Variants in C19orf38 observed in about 807,000 individuals in gnomAD.
C19orf38 encodes protein HIDE1.
C19orf38 carries 14 observed loss-of-function variants against 26.6 expected under a neutral mutation model. The ratio of observed to expected loss-of-function variants is 0.53; its 90% CI spans 0.35 to 0.82. C19orf38 has a LOEUF of 0.82. C19orf38 is among the 40% of genes least tolerant of loss of function. The pLI, the probability that C19orf38 is intolerant of heterozygous loss-of-function variation, is 0.01. For synonymous variants in C19orf38, 132 were observed against 128.5 expected (o/e 1.03, Z -0.18); for missense variants, 261 against 299.5 (o/e 0.87, Z 0.95).
intron 5 of C19orf38, among the ~76,000 whole-genome samples, chr19:10,860,559 A>AT (rs71164126): frequency 7.2e-6 from 1 of 138,328 alleles, no homozygotes; most frequent in African/African-American, 2.7e-5. Flanking sequence ...AAAAAAAAAA[A>AT]GGCCAGGCGT....
At chr19:10,842,774 C>T (rs1207361008) in intron 1 of C19orf38, among the ~76,000 whole-genome samples, 1 of 152,118 alleles carries the variant, frequency 6.6e-6, no homozygotes, top group East Asian at 1.9e-4. Context: ...TAGATTCCTT[C>T]ACCATATTGA....
intron 6 of C19orf38, among the ~76,000 whole-genome samples, chr19:10,867,638 A>ATTC (rs1424345010): frequency 1.1e-5 from 1 of 89,894 alleles, no homozygotes; most frequent in Non-Finnish European, 2.3e-5. Flanking sequence ...AAGGAAGAAC[A>ATTC]TTCTTTTTTT....
chr19:10,840,791 A>G (rs2073472754), intron 1 of C19orf38, among the ~76,000 whole-genome samples: 1 of 152,208 alleles, frequency 6.6e-6, no homozygotes, highest in African/African-American at 2.4e-5. Context: ...TTCTGGGATT[A>G]CAGGCGTAAG....
At chr19:10,860,534 C>CA (rs900601654) in intron 5 of C19orf38, among the ~76,000 whole-genome samples, 1,753 of 21,446 alleles carry the variant, frequency 0.082, 223 homozygotes, top group East Asian at 0.39. Context: ...GACTCCATCT[C>CA]AAAAAAAAAA....
At chr19:10,863,115 C>T in intron 5 of C19orf38, 55 bp from the exon 6 acceptor site, 1 of 1,513,312 alleles carries the variant, frequency 6.6e-7, no homozygotes, top group Non-Finnish European at 9.0e-7. Flanking sequence ...TGGCAGGGAG[C>T]AGGGAAGTTA....
At chr19:10,851,927 C>T (rs913526923) in intron 2 of C19orf38, among the ~76,000 whole-genome samples, 2 of 149,234 alleles carry the variant, frequency 1.3e-5, no homozygotes, top group Non-Finnish European at 3.0e-5. Flanking sequence ...GAGATTGCGC[C>T]ACTGCAGTCC....
intron 3 of C19orf38, 56 bp downstream of exon 3, chr19:10,856,413 G>A: frequency 7.0e-7 from 1 of 1,419,084 alleles, no homozygotes; most frequent in Non-Finnish European, 9.7e-7. Flanking sequence ...TCTGGAACGT[G>A]AAGATGTGCT....
At chr19:10,859,365 TA>T (rs1568337587) in intron 4 of C19orf38, among the ~76,000 whole-genome samples, 3 of 53,956 alleles carry the variant, frequency 5.6e-5, no homozygotes, top group African/African-American at 2.3e-4. Flanking sequence ...TATATATATA[TA>T]TATATATATA....
intron 3 of C19orf38, among the ~76,000 whole-genome samples, chr19:10,857,918 G>GAAAC (rs2146264594): frequency 6.7e-6 from 1 of 149,560 alleles, no homozygotes; most frequent in Admixed American, 6.7e-5. Flanking sequence ...AAGAAAGAAA[G>GAAAC]AAAGAAAGAA....
chr19:10,853,378 C>CGA (rs1346970284), intron 2 of C19orf38, among the ~76,000 whole-genome samples: 1 of 151,960 alleles, frequency 6.6e-6, no homozygotes, highest in Non-Finnish European at 1.5e-5. Flanking sequence ...CCTCTACCTC[C>CGA]GAGGTTCAAG....
intron 6 of C19orf38, among the ~76,000 whole-genome samples, chr19:10,867,020 C>G (rs1248707972): frequency 6.6e-6 from 1 of 151,792 alleles, no homozygotes. Context: ...AGACTCCTGA[C>G]CTCAAGTGAT....
intron 3 of C19orf38, among the ~76,000 whole-genome samples, chr19:10,857,364 ATATTTTTTT>A (rs1475776290): frequency 1.3e-5 from 1 of 78,202 alleles, no homozygotes; most frequent in Non-Finnish European, 2.1e-5. Context: ...ATATATATAT[ATATTTTTTT>A]TTTTTTTTTT....
chr19:10,844,032 A>C (rs1193726791), upstream of C19orf38, among the ~76,000 whole-genome samples: 1 of 151,088 alleles, frequency 6.6e-6, no homozygotes, highest in Non-Finnish European at 1.5e-5. Context: ...AGAATCACTT[A>C]AACCCGGAAG....
chr19:10,837,900 A>G (rs2073448785), intron 1 of C19orf38, among the ~76,000 whole-genome samples: 1 of 151,894 alleles, frequency 6.6e-6, no homozygotes, highest in Admixed American at 6.6e-5. Context: ...CCTGGGCTCA[A>G]GTGATTCTCC....
chr19:10,863,180 C>A lies in C19orf38; in HGVS notation c.516C>A (p.Phe172Leu). The A allele has an allele frequency of 6.4e-7, 1 of 1,551,422 alleles. No individual in the cohort carries two copies. Among genetic ancestry groups the A allele is most frequent in the Non-Finnish European group, 8.7e-7 (1 of 1,146,838 alleles). ...CTCTTTCTGTTTCAGACATGTCCTTCGATAACTCCCTGTTTACCGTCTCCG... is the reference window on the plus strand; with the variant it reads ...CTCTTTCTGTTTCAGACATGTCCTTAGATAACTCCCTGTTTACCGTCTCCG... ...QINFDSTDMS[F>L]DNSLFTVSAK... The change falls in exon 6 of 7, where the codon TTC becomes TTA. Residue 172 changes from phenylalanine to leucine, a missense_variant. Phe to Leu is a conservative substitution (Grantham distance 22). Coordinates refer to ENST00000397820, the MANE Select transcript of C19orf38 (RefSeq NM_001136482.3).
intron 3 of C19orf38, among the ~76,000 whole-genome samples, chr19:10,856,915 G>C (rs1224981901): frequency 1.3e-5 from 2 of 152,052 alleles, no homozygotes; most frequent in African/African-American, 4.8e-5. Context: ...TCCTGCCTCA[G>C]CCTCCCAAGT....
At chr19:10,860,286 C>T (rs941214533) in intron 5 of C19orf38, among the ~76,000 whole-genome samples, 2 of 152,048 alleles carry the variant, frequency 1.3e-5, no homozygotes, top group Admixed American at 1.3e-4. Flanking sequence ...GTCATCCCAG[C>T]ACTTTAGGAG....
chr19:10,854,789 C>T (rs377496709), intron 2 of C19orf38, among the ~76,000 whole-genome samples: 6 of 152,032 alleles, frequency 3.9e-5, no homozygotes, highest in African/African-American at 1.4e-4. Flanking sequence ...GTCATCTGGC[C>T]ACTGGCACCC....
At chr19:10,847,068 T>G (rs2073524253), upstream of C19orf38, among the ~76,000 whole-genome samples, 1 of 152,208 alleles carries the variant, frequency 6.6e-6, no homozygotes, top group South Asian at 2.1e-4. Flanking sequence ...TGCCACATCC[T>G]TCTTGGGTCC....
Sources: allele counts gnomAD v4.1 joint callset (sites outside exome capture counted in the v4.1 genomes callset), GRCh38; gene constraint gnomAD v4.1.1; transcripts MANE v1.5; gene names NCBI Gene and HGNC (gene_info 2026-07-23, HGNC 2026-07-21).